The following SHE variants were observed in gnomAD, a reference collection of about 807,000 sequenced individuals.
The protein encoded by SHE is Src homology 2 domain containing E, also known as SH2 domain-containing adapter protein E.
Under a neutral mutation model 49.8 loss-of-function variants are expected in SHE, and 11 were observed. The observed-to-expected ratio is 0.22, with a 90% confidence interval of 0.14 to 0.37. The LOEUF (loss-of-function observed/expected upper bound fraction) is 0.37, where lower values mean the gene tolerates loss of function less well. SHE is among the 10% of genes least tolerant of loss of function. SHE has a pLI of 1.00. For synonymous variants in SHE, 310 were observed against 278.1 expected (o/e 1.11, Z -1.14); for missense variants, 624 against 655.5 (o/e 0.95, Z 0.52).
chr1:154,481,775 T>A lies in SHE; in HGVS notation c.*2374A>T. 1.0e-6 allele frequency: 1 copy of A among 962,606 alleles called. No individual in the cohort carries two copies. Among genetic ancestry groups the A allele is most frequent in the Non-Finnish European group, 1.2e-6 (1 of 809,232 alleles). The allele number at this position is 962,606 out of a possible 1,614,324, so 59.6% of individuals were successfully genotyped here. ...GAAAAAACCTTTTAAAATCTTACAC[T>A]AAAGATATAGTAAATGAACCAATAC... On this transcript the variant is annotated 3_prime_UTR_variant, in exon 6 of 6. Coordinates refer to ENST00000304760, the MANE Select transcript of SHE (RefSeq NM_001010846.3).
rs529253055 is a variant in SHE at position 154,481,792 on chromosome 1, A to C, written c.*2357T>G. The C allele has an allele frequency of 5.1e-6, 5 of 973,514 alleles. No homozygotes were observed. The South Asian group carries it at 2.4e-4, about 46-fold the overall frequency. The allele number at this position is 973,514 out of a possible 1,614,324, so 60.3% of individuals were successfully genotyped here. A position where few individuals can be genotyped will look rare whatever the true frequency, so the allele number is the denominator to read the frequency against. The stretch of plus-strand genomic sequence containing the variant: ...TCTTACACTAAAGATATAGTAAATG[A>C]ACCAATACACACTGAAAACATTCTA... On this transcript the variant is annotated 3_prime_UTR_variant, in exon 6 of 6. Transcript: ENST00000304760.
chr1:154,494,928 T>G (rs1692478383), intron 2 of SHE, among the ~76,000 whole-genome samples: 1 of 152,188 alleles, frequency 6.6e-6, no homozygotes, highest in Non-Finnish European at 1.5e-5. Flanking sequence ...GGCAGGTGCC[T>G]GTAATCCCAG....
intron 1 of SHE, among the ~76,000 whole-genome samples, chr1:154,474,013 C>A (rs1026258030): frequency 1.3e-5 from 2 of 152,218 alleles, no homozygotes; most frequent in African/African-American, 4.8e-5. Context: ...CCTGGGCCTG[C>A]TGGACTGGAA....
rs1365066150 is a variant in SHE, at chr1:154,497,846, A to G, written c.718+1266T>C. Among the ~76,000 whole-genome samples, 7 of 151,774 alleles carry G rather than the reference A, an allele frequency of 4.6e-5. No individual in the cohort carries two copies. In the East Asian group the frequency reaches 9.7e-4, roughly 21 times the overall value. ...CAGGCATGCACCACCATGCCCGGCT[A>G]ATTTTTTATATTTTTAGTAGAGACA... On this transcript the variant is annotated intron_variant, in intron 2 of 5. Transcript: ENST00000304760.
rs761399747 is a variant in SHE at position 154,489,106 on chromosome 1, T to C, written c.969A>G (p.Ala323=). ...RLPENDERPA[A]EYEQPWEWKK... is the part of the protein sequence containing the mutation. ...TCCACTCCCATGGCTGCTCGTACTC[T>C]GCCGCGGGCCTCTCGTCGTTCTCGG... is the stretch of plus-strand genomic sequence containing the variant. The change falls in exon 3 of 6, where the codon GCA becomes GCG. Residue 323 remains alanine, a synonymous_variant. Transcript: ENST00000304760. 3.2e-5 allele frequency: 52 copies of C among 1,612,118 alleles called. No homozygotes were observed. The highest frequency in any genetic ancestry group is 4.0e-5 in the Non-Finnish European group (47 of 1,178,842).
At chr1:154,474,296 C>A (rs1025406492) in intron 1 of SHE, among the ~76,000 whole-genome samples, 2 of 152,178 alleles carry the variant, frequency 1.3e-5, no homozygotes, top group Non-Finnish European at 2.9e-5. Flanking sequence ...GATCCTAAGG[C>A]AGTGGCAGCC....
chr1:154,501,792 C>G lies in SHE; in HGVS notation c.235G>C (p.Gly79Arg), dbSNP rs1692771442. The change falls in exon 1 of 6, where the codon GGC (glycine) becomes CGC (arginine). Residue 79 changes from glycine (G) to arginine (R), a missense_variant. Gly to Arg is a moderately radical substitution (Grantham distance 125). Transcript: ENST00000304760. ...SEAGGAGPGP[G>R]KGRKNSAAEL... is the part of the protein sequence containing the mutation. ...GCCGCCGAGTTCTTGCGGCCCTTGC[C>G]AGGACCCGGCCCAGCGCCGCCCGCC... is the stretch of plus-strand genomic sequence containing the variant. 2 of 1,558,146 alleles carry G rather than the reference C, an allele frequency of 1.3e-6. No individual in the cohort carries two copies. Among genetic ancestry groups the G allele is most frequent in the South Asian group, 2.3e-5 (2 of 86,450 alleles).
rs1252488850 is a variant in SHE at position 154,480,955 on chromosome 1, G to A, written c.*3194C>T. On this transcript the variant is annotated 3_prime_UTR_variant, in exon 6 of 6. Transcript: ENST00000304760. ...TGTGATCAAGAAGAACACTGACACA[G>A]CTCTATGGATGCTAAATTCAAGGCA... 1.0e-6 allele frequency: 1 copy of A among 985,240 alleles called. No homozygotes were observed. The highest frequency in any genetic ancestry group is 6.2e-5 in the Admixed American group (1 of 16,260). The allele number at this position is 985,240 out of a possible 1,614,324, so 61.0% of individuals were successfully genotyped here.
intron 3 of SHE, among the ~76,000 whole-genome samples, chr1:154,488,115 G>GT (rs1372944997): frequency 6.6e-6 from 1 of 151,478 alleles, no homozygotes; most frequent in Non-Finnish European, 1.5e-5. Flanking sequence ...GGTATTTTTT[G>GT]TATTTTTAGT....
Position 154,479,642 on chromosome 1 carries a change from A to C in SHE, c.*4507T>G. On this transcript the variant is annotated 3_prime_UTR_variant, in exon 6 of 6. Transcript: ENST00000304760. The stretch of plus-strand genomic sequence containing the variant: ...TAGATAGACACCTATATTACATACA[A>C]TCTTCAAACATTTTTAAAAGTTGAA... The C allele has an allele frequency of 1.0e-6, 1 of 967,690 alleles. No individual in the cohort carries two copies. The highest frequency in any genetic ancestry group is 1.2e-6 in the Non-Finnish European group (1 of 813,774). 59.9% of individuals were successfully genotyped at this position (967,690 alleles called of 1,614,324 possible).
intron 1 of SHE, among the ~76,000 whole-genome samples, chr1:154,473,011 T>A (rs1691780762): frequency 6.6e-6 from 1 of 152,012 alleles, no homozygotes; most frequent in Non-Finnish European, 1.5e-5. Context: ...ATAATTTTTT[T>A]TTTTGAGATG....
At chr1:154,474,805 T>C (rs1691838210), downstream of SHE, among the ~76,000 whole-genome samples, 1 of 152,064 alleles carries the variant, frequency 6.6e-6, no homozygotes. Context: ...CCCAGCCAAA[T>C]TGTGTTTTAC....
intron 1 of SHE, among the ~76,000 whole-genome samples, chr1:154,474,410 C>T (rs1419220767): frequency 1.3e-5 from 2 of 152,236 alleles, no homozygotes; most frequent in African/African-American, 2.4e-5. Flanking sequence ...TATACCTAGC[C>T]ACACCTCTGC....
intron 1 of SHE, among the ~76,000 whole-genome samples, chr1:154,500,903 C>G (rs537691062): frequency 4.1e-4 from 63 of 152,266 alleles, no homozygotes; most frequent in African/African-American, 1.5e-3. Flanking sequence ...GGGCAGCAGT[C>G]TTGGAGATTT....
exon 2 of SHE, chr1:154,470,077 C>A (rs1374744984): frequency 3.0e-6 from 1 of 338,358 alleles, no homozygotes; most frequent in Non-Finnish European, 5.9e-6. Flanking sequence ...TCTGGGCCCC[C>A]ACCTGGGCAG....
chr1:154,480,163 A>G lies in SHE; in HGVS notation c.*3986T>C. On this transcript the variant is annotated 3_prime_UTR_variant, in exon 6 of 6. Coordinates refer to ENST00000304760, the MANE Select transcript of SHE (RefSeq NM_001010846.3). ...AGAATACAGAAGAGTGATTCTAACC[A>G]GGTCATAAGGCCAAACTAGTGCTAG... is the stretch of plus-strand genomic sequence containing the variant. The G allele has an allele frequency of 1.0e-6, 1 of 985,460 alleles. No homozygotes were observed. Among genetic ancestry groups the G allele is most frequent in the Non-Finnish European group, 1.2e-6 (1 of 829,944 alleles). The allele number at this position is 985,460 out of a possible 1,614,324, so 61.0% of individuals were successfully genotyped here. A position where few individuals can be genotyped will look rare whatever the true frequency, so the allele number is the denominator to read the frequency against.
At chr1:154,469,987 T>A (rs564934056) in exon 2 of SHE, 386 of 283,848 alleles carry the variant, frequency 1.4e-3, no homozygotes, top group Non-Finnish European at 2.3e-3. Context: ...TGTAAACAGT[T>A]CAGGGATGGG....
intron 2 of SHE, among the ~76,000 whole-genome samples, 160 bp from the exon 3 acceptor site, chr1:154,489,516 T>C (rs1692299813): frequency 6.6e-6 from 1 of 152,236 alleles, no homozygotes; most frequent in Non-Finnish European, 1.5e-5. Flanking sequence ...GATAGGTTGA[T>C]TACTTCTCAG....
chr1:154,492,689 A>T (rs1360669509), intron 2 of SHE, among the ~76,000 whole-genome samples: 1 of 152,174 alleles, frequency 6.6e-6, no homozygotes, highest in Admixed American at 6.6e-5. Flanking sequence ...TAATTTTTTT[A>T]AAAGGAACTT....
Sources: allele counts gnomAD v4.1 joint callset (sites outside exome capture counted in the v4.1 genomes callset), GRCh38; gene constraint gnomAD v4.1.1; transcripts MANE v1.5; gene names NCBI Gene and HGNC (gene_info 2026-07-23, HGNC 2026-07-21).